PTPRZ1: variants seen among roughly 807,000 people sequenced by gnomAD.
PTPRZ1 encodes receptor-type tyrosine-protein phosphatase zeta.
In PTPRZ1, 82 loss-of-function variants were observed where a neutral mutation model predicts 214.1. That is an observed-to-expected ratio of 0.38 (90% CI 0.32 to 0.46). The LOEUF (loss-of-function observed/expected upper bound fraction) is 0.46, where lower values mean the gene tolerates loss of function less well. Ranked by LOEUF, PTPRZ1 falls within the 20% of genes least tolerant of loss-of-function variation. The pLI is 1.00. For missense variants in PTPRZ1, 2,603 were observed against 2,748.7 expected, an observed-to-expected ratio of 0.95 and a Z score of 1.19; for synonymous variants, 945 against 987.9, an observed-to-expected ratio of 0.96 and a Z score of 0.81.
At chr7:121,926,155 A>C (rs1164110663) in intron 1 of PTPRZ1, among the ~76,000 whole-genome samples, 3 of 152,152 alleles carry the variant, frequency 2.0e-5, no homozygotes, top group Admixed American at 6.5e-5. Flanking sequence ...ATTCAAAAAA[A>C]TTAGCCAGGC....
intron 8 of PTPRZ1, among the ~76,000 whole-genome samples, chr7:121,988,400 A>C (rs1439652952): frequency 6.6e-6 from 1 of 152,216 alleles, no homozygotes; most frequent in Non-Finnish European, 1.5e-5. Flanking sequence ...AGTCTCATCC[A>C]TACAGTTACA....
intron 10 of PTPRZ1, among the ~76,000 whole-genome samples, chr7:122,002,240 C>T (rs542337485): frequency 1.3e-5 from 2 of 152,274 alleles, no homozygotes; most frequent in African/African-American, 4.8e-5. Context: ...CTGGGAATTT[C>T]AGTCAGTTCA....
intron 14 of PTPRZ1, among the ~76,000 whole-genome samples, chr7:122,031,232 G>T (rs1799361221): frequency 6.6e-6 from 1 of 152,008 alleles, no homozygotes; most frequent in Non-Finnish European, 1.5e-5. Context: ...TTGAAAATAA[G>T]TGATTTTATC....
intron 1 of PTPRZ1, among the ~76,000 whole-genome samples, chr7:121,898,743 T>A (rs1335076456): frequency 6.6e-6 from 1 of 152,200 alleles, no homozygotes; most frequent in Non-Finnish European, 1.5e-5. Flanking sequence ...TAAGAATAAG[T>A]ACATTTTGCT....
At chr7:121,908,361 TTGGAAA>T in intron 1 of PTPRZ1, 1 of 309,134 alleles carries the variant, frequency 3.2e-6, no homozygotes, top group Non-Finnish European at 6.2e-6. Context: ...ATCAATCCCT[TTGGAAA>T]AGAATATCAA....
At chr7:121,896,180 TTG>T (rs1221535976) in intron 1 of PTPRZ1, among the ~76,000 whole-genome samples, 1 of 152,220 alleles carries the variant, frequency 6.6e-6, no homozygotes, top group African/African-American at 2.4e-5. Context: ...TAAAATTTTA[TTG>T]TGATAAAAAC....
intron 1 of PTPRZ1, among the ~76,000 whole-genome samples, chr7:121,891,177 A>G (rs112085032): frequency 1.4e-4 from 21 of 152,050 alleles, no homozygotes; most frequent in African/African-American, 4.3e-4. Flanking sequence ...TTTTTGTTCA[A>G]TGATACTTTT....
rs765150368 is a variant in PTPRZ1 at position 121,996,462 on chromosome 7, G to A, written c.1009G>A (p.Val337Ile). 6.2e-7 allele frequency: 1 copy of A among 1,613,526 alleles called. No homozygotes were observed. Among genetic ancestry groups the A allele is most frequent in the Admixed American group, 1.7e-5 (1 of 59,996 alleles). ...SLLVTWERPR[V>I]VYDTMIEKFA... Reference sequence around the variant, plus strand: ...TCTTGTTACATGGGAAAGACCTCGAGTCGTTTATGATACCATGATTGAGAA... The same window carrying A: ...TCTTGTTACATGGGAAAGACCTCGAATCGTTTATGATACCATGATTGAGAA... The change falls in exon 9 of 30, where the codon GTC becomes ATC. Residue 337 changes from valine (V) to isoleucine (I), a missense_variant. By Grantham distance (29) the Val-to-Ile change is conservative. This residue lies in a region of PTPRZ1 where 244 missense variants were observed against 333.2 expected (regional missense o/e 0.73). Transcript: ENST00000393386.
chr7:122,031,972 A>G (rs980345717), intron 15 of PTPRZ1: 1 of 152,530 alleles, frequency 6.6e-6, no homozygotes, highest in Non-Finnish European at 1.5e-5. Context: ...GTGTTAATGC[A>G]AAAGCATTTA....
chr7:122,010,565 G>T lies in PTPRZ1; in HGVS notation c.1519G>T (p.Val507Phe). 6.2e-7 allele frequency: 1 copy of T among 1,613,416 alleles called. No homozygotes were observed. The highest frequency in any genetic ancestry group is 1.1e-5 in the South Asian group (1 of 91,052). The change falls in exon 12 of 30, where the codon GTC (valine) becomes TTC (phenylalanine). Residue 507 changes from valine (V) to phenylalanine (F), a missense_variant. By Grantham distance (50) the Val-to-Phe change is conservative. Coordinates refer to ENST00000393386, the MANE Select transcript of PTPRZ1 (RefSeq NM_002851.3). ...NTSLNSTSQPVTKLATEKDIS... is the reference protein window; with the variant it reads ...NTSLNSTSQPFTKLATEKDIS... Reference sequence around the variant, plus strand: ...ATCTTTAAATTCCACTTCCCAACCAGTCACTAAATTAGCCACAGAAAAAGA... The same window carrying T: ...ATCTTTAAATTCCACTTCCCAACCATTCACTAAATTAGCCACAGAAAAAGA...
intron 2 of PTPRZ1, among the ~76,000 whole-genome samples, chr7:121,938,098 C>G (rs1219665260): frequency 1.3e-5 from 2 of 152,052 alleles, no homozygotes; most frequent in African/African-American, 4.8e-5. Context: ...CCAGAGATAA[C>G]TACTCTTAAT....
intron 27 of PTPRZ1, among the ~76,000 whole-genome samples, chr7:122,058,375 T>C (rs992679829): frequency 1.1e-4 from 17 of 152,182 alleles, no homozygotes; most frequent in African/African-American, 3.9e-4. Flanking sequence ...TTCTCCACTG[T>C]GTCATGCAAT....
chr7:122,028,793 G>T, intron 14 of PTPRZ1, 150 bp downstream of exon 14: 1 of 602,154 alleles, frequency 1.7e-6, no homozygotes, highest in South Asian at 2.2e-5. Context: ...ATTACATTAT[G>T]TTCCAGGTAC....
At chr7:122,004,325 T>C (rs1399844546) in intron 10 of PTPRZ1, among the ~76,000 whole-genome samples, 1 of 152,102 alleles carries the variant, frequency 6.6e-6, no homozygotes, top group Non-Finnish European at 1.5e-5. Flanking sequence ...CTCTCCGTTC[T>C]TAGCTTCAAT....
intron 25 of PTPRZ1, 40 bp from the exon 26 acceptor site, chr7:122,053,870 A>C: frequency 6.2e-7 from 1 of 1,608,776 alleles, no homozygotes; most frequent in Non-Finnish European, 8.5e-7. Flanking sequence ...GTTTAAAGGC[A>C]TACGCCAGTG....
chr7:121,965,522 TCTC>T (rs1191631047), intron 2 of PTPRZ1, among the ~76,000 whole-genome samples: 3 of 152,140 alleles, frequency 2.0e-5, no homozygotes, highest in Non-Finnish European at 2.9e-5. Flanking sequence ...AGCAAGGAAA[TCTC>T]CTACATTTTG....
At chr7:121,996,675 A>T (rs1441866514) in intron 9 of PTPRZ1, 109 bp downstream of exon 9, 1 of 869,010 alleles carries the variant, frequency 1.2e-6, no homozygotes, top group Non-Finnish European at 1.7e-6. Context: ...TTTAGACTTT[A>T]TGTGAAGGTG....
In PTPRZ1 at chr7:122,051,810, GTTGTT is replaced by G. The variant is rs367945464; in HGVS notation, c.6179-28_6179-24del. On this transcript the variant is annotated intron_variant, in intron 24 of 29. Coordinates refer to ENST00000393386, the MANE Select transcript of PTPRZ1 (RefSeq NM_002851.3). ...AGATGGTACAGTGCTGTGAGCATGA[GTTGTT>G]TTGTTTTGTTTTGTTTTGTTTTGTT... 1.9e-3 allele frequency: 2,659 copies of G among 1,409,322 alleles called. 7 individuals are homozygous for G. The highest frequency in any genetic ancestry group is 3.4e-3 in the Admixed American group (193 of 57,252). The allele number at this position is 1,409,322 out of a possible 1,614,324, so 87.3% of individuals were successfully genotyped here. A position where few individuals can be genotyped will look rare whatever the true frequency, so the allele number is the denominator to read the frequency against.
intron 13 of PTPRZ1, among the ~76,000 whole-genome samples, chr7:122,027,290 G>A (rs1351408098): frequency 6.6e-6 from 1 of 152,176 alleles, no homozygotes; most frequent in Non-Finnish European, 1.5e-5. Context: ...GATCCTGGTG[G>A]GTGAGGGAGA....
Sources: allele counts gnomAD v4.1 joint callset (sites outside exome capture counted in the v4.1 genomes callset), GRCh38; gene constraint gnomAD v4.1.1; regional missense constraint gnomAD v4.1.1; transcripts MANE v1.5; gene names NCBI Gene and HGNC (gene_info 2026-07-23, HGNC 2026-07-21).